FMN1: variants seen among roughly 807,000 people sequenced by gnomAD.
The protein encoded by FMN1 is formin-1.
In FMN1, 110 loss-of-function variants were observed where a neutral mutation model predicts 132.4. That is an observed-to-expected ratio of 0.83 (90% CI 0.71 to 0.97). FMN1 has a LOEUF of 0.97. Ranked by LOEUF, FMN1 falls within the 50% of genes least tolerant of loss-of-function variation. The pLI is 0.00. For synonymous variants in FMN1, 722 were observed against 651.7 expected (o/e 1.11, Z -1.64); for missense variants, 1,792 against 1,705.3 (o/e 1.05, Z -0.90).
At chr15:33,000,220 T>A (rs2034013707) in intron 7 of FMN1, among the ~76,000 whole-genome samples, 1 of 151,002 alleles carries the variant, frequency 6.6e-6, no homozygotes, top group African/African-American at 2.4e-5. Context: ...GAGGCAGAGG[T>A]GGGTGGATCA....
chr15:32,844,319 T>A (rs1422458803), intron 17 of FMN1, among the ~76,000 whole-genome samples: 1 of 152,184 alleles, frequency 6.6e-6, no homozygotes, highest in Non-Finnish European at 1.5e-5. Context: ...GCAGTTCAAT[T>A]CAGCAGCCAC....
At chr15:32,952,051 C>A (rs191990338) in intron 9 of FMN1, among the ~76,000 whole-genome samples, 24 of 152,312 alleles carry the variant, frequency 1.6e-4, no homozygotes, top group African/African-American at 5.8e-4. Context: ...CTGTGCAGGT[C>A]TGTGAGTTCT....
At chr15:32,892,162 T>C (rs2060047330) in intron 15 of FMN1, among the ~76,000 whole-genome samples, 1 of 152,176 alleles carries the variant, frequency 6.6e-6, no homozygotes, top group South Asian at 2.1e-4. Context: ...CTTCAACTTT[T>C]CCCCATTCAA....
intron 18 of FMN1, among the ~76,000 whole-genome samples, chr15:32,801,966 A>G (rs12148180): frequency 0.42 from 63,385 of 152,120 alleles, 13,885 homozygotes; most frequent in East Asian, 0.6. Context: ...ATTCACAGAG[A>G]TTGACCACTG....
At position 33,153,868 on chromosome 15, in the gene FMN1, C is replaced by G; in HGVS notation, c.1047G>C (p.Lys349Asn). ...QVQRVVKTHSKGKETIAIRPA... is the reference protein window; with the variant it reads ...QVQRVVKTHSNGKETIAIRPA... ...GGCGAATGGCAATCGTCTCCTTACCCTTAGAATGCGTTTTAACTACTCTTT... is the reference window on the plus strand; with the variant it reads ...GGCGAATGGCAATCGTCTCCTTACCGTTAGAATGCGTTTTAACTACTCTTT... The change falls in exon 4 of 21, where the codon AAG (lysine) becomes AAC (asparagine). Residue 349 changes from lysine (K) to asparagine (N), a missense_variant. Lys to Asn is a moderately conservative substitution (Grantham distance 94, BLOSUM62 0). Coordinates refer to ENST00000616417, the MANE Select transcript of FMN1 (RefSeq NM_001277313.2). The G allele has an allele frequency of 2.0e-6, 3 of 1,536,776 alleles. No homozygotes were observed. The highest frequency in any genetic ancestry group is 2.6e-6 in the Non-Finnish European group (3 of 1,147,058).
intron 16 of FMN1, among the ~76,000 whole-genome samples, chr15:32,873,939 G>T (rs900515901): frequency 1.3e-5 from 2 of 151,136 alleles, no homozygotes; most frequent in African/African-American, 4.9e-5. Flanking sequence ...ATTATTCCTA[G>T]ATTAGCCGCC....
intron 7 of FMN1, 150 bp from the exon 8 acceptor site, chr15:32,969,627 A>G (rs2031608942): frequency 2.0e-6 from 2 of 1,009,376 alleles, no homozygotes; most frequent in Non-Finnish European, 2.8e-6. Context: ...AGAATCCATA[A>G]AGGTGTAAAT....
chr15:32,835,710 G>A (rs1170608249), intron 17 of FMN1, among the ~76,000 whole-genome samples: 1 of 152,080 alleles, frequency 6.6e-6, no homozygotes, highest in Non-Finnish European at 1.5e-5. Flanking sequence ...GATAACCTTG[G>A]GACACAGACA....
chr15:32,936,253 G>A (rs1265894467), intron 9 of FMN1, among the ~76,000 whole-genome samples: 1 of 151,988 alleles, frequency 6.6e-6, no homozygotes, highest in Non-Finnish European at 1.5e-5. Flanking sequence ...CCACTGGTTG[G>A]TCCATGCTCC....
intron 4 of FMN1, among the ~76,000 whole-genome samples, chr15:33,143,595 G>C (rs886905589): frequency 3.9e-5 from 6 of 151,944 alleles, no homozygotes; most frequent in African/African-American, 1.5e-4. Context: ...AATGAAGATG[G>C]GACACCAAGA....
At chr15:33,161,499 G>A (rs534182192) in intron 3 of FMN1, among the ~76,000 whole-genome samples, 1 of 152,238 alleles carries the variant, frequency 6.6e-6, no homozygotes, top group South Asian at 2.1e-4. Context: ...CCCTCCCCTT[G>A]CTCATTTAGT....
intron 6 of FMN1, among the ~76,000 whole-genome samples, chr15:33,010,716 T>C (rs1184993589): frequency 6.6e-6 from 1 of 152,108 alleles, no homozygotes; most frequent in Non-Finnish European, 1.5e-5. Context: ...AGAATATGCA[T>C]GTTTAGCAGA....
At chr15:33,014,656 A>G (rs1426630503) in intron 6 of FMN1, among the ~76,000 whole-genome samples, 4 of 152,250 alleles carry the variant, frequency 2.6e-5, no homozygotes, top group African/African-American at 9.6e-5. Flanking sequence ...AAAAAATGAA[A>G]GAACTTTCTC....
intron 7 of FMN1, among the ~76,000 whole-genome samples, chr15:32,989,657 G>C (rs777279480): frequency 1.3e-5 from 2 of 152,166 alleles, no homozygotes; most frequent in Non-Finnish European, 2.9e-5. Flanking sequence ...TGAGCCACCA[G>C]AGGTGTTTTA....
At chr15:33,055,611 A>C (rs1476293256) in intron 6 of FMN1, among the ~76,000 whole-genome samples, 4 of 151,800 alleles carry the variant, frequency 2.6e-5, no homozygotes, top group African/African-American at 9.7e-5. Context: ...CTCATAGACA[A>C]AAAAAAACAA....
At chr15:33,071,425 C>T (rs16964576) in intron 5 of FMN1, among the ~76,000 whole-genome samples, 18,536 of 152,178 alleles carry the variant, frequency 0.12, 2,054 homozygotes, top group East Asian at 0.63. Context: ...AAGAAGACTT[C>T]TTCATCCAAT....
At chr15:32,829,207 C>T (rs936838038) in intron 17 of FMN1, among the ~76,000 whole-genome samples, 2 of 152,176 alleles carry the variant, frequency 1.3e-5, no homozygotes, top group Non-Finnish European at 2.9e-5. Context: ...TAGACAAATA[C>T]CCAATAACAA....
At chr15:33,056,099 G>T (rs554735560) in intron 6 of FMN1, among the ~76,000 whole-genome samples, 1 of 152,160 alleles carries the variant, frequency 6.6e-6, no homozygotes, top group Non-Finnish European at 1.5e-5. Context: ...GCTGCTGGTG[G>T]ATGTATAAAC....
chr15:32,998,889 G>A (rs1160851971), intron 7 of FMN1, among the ~76,000 whole-genome samples: 1 of 152,138 alleles, frequency 6.6e-6, no homozygotes, highest in Non-Finnish European at 1.5e-5. Context: ...ATTGTCTGAA[G>A]GCAAGACAGT....
Sources: gnomAD v4.1 joint callset for allele counts (sites outside exome capture counted in the v4.1 genomes callset) on GRCh38, gnomAD v4.1.1 for gene constraint, MANE v1.5 for transcripts, NCBI Gene and HGNC (gene_info 2026-07-23, HGNC 2026-07-21) for gene names.